Variants in FSTL5 observed in about 807,000 individuals in gnomAD.
FSTL5 encodes follistatin-related protein 5.
FSTL5 carries 62 observed loss-of-function variants against 89.1 expected under a neutral mutation model. That is an observed-to-expected ratio of 0.70 (90% CI 0.57 to 0.86). FSTL5 has a LOEUF of 0.86. Among genes scored for constraint, FSTL5 ranks in the 40% least tolerant of loss-of-function variants. The probability of loss-of-function intolerance (pLI) is 0.00; values close to 1 mark genes in which losing one functional copy is unlikely to be tolerated. For missense variants in FSTL5, 1,057 were observed against 1,001.6 expected (o/e 1.06, Z -0.75); for synonymous variants, 383 against 346.2 (o/e 1.11, Z -1.18).
chr4:161,852,431 GA>G (rs1731583248), intron 4 of FSTL5, among the ~76,000 whole-genome samples: 1 of 152,118 alleles, frequency 6.6e-6, no homozygotes, highest in Non-Finnish European at 1.5e-5. Context: ...ACACCAGTCA[GA>G]ATGGCAATTA....
intron 3 of FSTL5, among the ~76,000 whole-genome samples, chr4:161,972,034 T>C (rs911896054): frequency 2.0e-5 from 3 of 152,166 alleles, no homozygotes; most frequent in African/African-American, 7.2e-5. Context: ...CACTCACTTG[T>C]ATAATTCCTT....
intron 2 of FSTL5, among the ~76,000 whole-genome samples, chr4:162,050,315 C>T (rs1738338258): frequency 6.6e-6 from 1 of 151,060 alleles, no homozygotes; most frequent in South Asian, 2.1e-4. Flanking sequence ...ATATTGACAT[C>T]AGATTCTCAA....
Position 161,743,501 on chromosome 4 carries a change from T to C in FSTL5, c.727+15910A>G, listed in dbSNP as rs571670615. 2.1e-4 allele frequency among the ~76,000 whole-genome samples: 32 copies of C among 152,276 alleles called. No homozygotes were observed. In the South Asian group the frequency reaches 6.6e-3, roughly 32 times the overall value. On this transcript the variant is annotated intron_variant, in intron 6 of 15. Transcript: ENST00000306100. ...AATGACATCCCCTCCATCTTTGCTT[T>C]TCTTTTGTCAAGATTGTTTTGGCTA... is the stretch of plus-strand genomic sequence containing the variant.
intron 3 of FSTL5, among the ~76,000 whole-genome samples, chr4:162,007,257 G>T (rs572595527): frequency 4.1e-4 from 62 of 151,962 alleles, no homozygotes; most frequent in African/African-American, 1.4e-3. Flanking sequence ...TATTTTTAAA[G>T]AATGACCTAA....
At chr4:161,697,688 G>A (rs559951431) in intron 6 of FSTL5, among the ~76,000 whole-genome samples, 1 of 152,206 alleles carries the variant, frequency 6.6e-6, no homozygotes, top group South Asian at 2.1e-4. Context: ...ATGAAATCCT[G>A]TCATTCGCTG....
At chr4:162,029,184 T>C (rs963463037) in intron 3 of FSTL5, among the ~76,000 whole-genome samples, 38 of 146,274 alleles carry the variant, frequency 2.6e-4, no homozygotes, top group African/African-American at 7.3e-4. Context: ...TGTGTGTGTG[T>C]GTGCGTGTGT....
intron 6 of FSTL5, among the ~76,000 whole-genome samples, chr4:161,692,691 G>A (rs1327002783): frequency 6.6e-6 from 1 of 151,982 alleles, no homozygotes; most frequent in Non-Finnish European, 1.5e-5. Flanking sequence ...GGACCTCAGG[G>A]AAAATCAACA....
intron 5 of FSTL5, among the ~76,000 whole-genome samples, chr4:161,760,572 A>G (rs1461310097): frequency 6.6e-6 from 1 of 152,216 alleles, no homozygotes; most frequent in Non-Finnish European, 1.5e-5. Flanking sequence ...TTACACACAC[A>G]CACATGCACA....
intron 3 of FSTL5, among the ~76,000 whole-genome samples, chr4:161,939,647 A>G (rs1303688947): frequency 6.6e-6 from 1 of 151,956 alleles, no homozygotes; most frequent in African/African-American, 2.4e-5. Flanking sequence ...CAAAAGGGAA[A>G]AGTACAGCAA....
At chr4:161,741,630 T>C (rs1740029790) in intron 6 of FSTL5, among the ~76,000 whole-genome samples, 1 of 150,896 alleles carries the variant, frequency 6.6e-6, no homozygotes, top group Non-Finnish European at 1.5e-5. Context: ...TGAAGCAAAA[T>C]ACACAGGAAA....
chr4:161,439,113 CA>C (rs1732674754), intron 15 of FSTL5, among the ~76,000 whole-genome samples: 1 of 151,984 alleles, frequency 6.6e-6, no homozygotes, highest in Non-Finnish European at 1.5e-5. Flanking sequence ...AACACATAAT[CA>C]ATATAATTTT....
At chr4:161,492,936 T>C (rs1320687129) in intron 12 of FSTL5, among the ~76,000 whole-genome samples, 1 of 151,988 alleles carries the variant, frequency 6.6e-6, no homozygotes, top group Non-Finnish European at 1.5e-5. Context: ...AAAATAAAAT[T>C]GAAACACTAT....
intron 4 of FSTL5, among the ~76,000 whole-genome samples, chr4:161,813,184 A>G (rs1367865358): frequency 2.0e-5 from 3 of 151,970 alleles, no homozygotes; most frequent in Non-Finnish European, 4.4e-5. Flanking sequence ...GTGCTACCAC[A>G]CGCGGCAATT....
At chr4:161,430,601 G>A (rs573020555) in intron 15 of FSTL5, among the ~76,000 whole-genome samples, 10 of 152,138 alleles carry the variant, frequency 6.6e-5, no homozygotes, top group African/African-American at 2.2e-4. Context: ...TTAGCCGGGC[G>A]TGGTAGTGGG....
rs181694332 is a variant in FSTL5, at chr4:161,584,044, C to T, written c.1015+3411G>A. Among the ~76,000 whole-genome samples the T allele has an allele frequency of 5.3e-5, 8 of 152,146 alleles. No homozygotes were observed. The South Asian group carries it at 1.7e-3, about 32-fold the overall frequency. ...TAGCTAAATCAGAATCTTTTTTTCT[C>T]TCATGGCCACTTTACAGTCAACCAC... On this transcript the variant is annotated intron_variant, in intron 8 of 15. Coordinates refer to ENST00000306100, the MANE Select transcript of FSTL5 (RefSeq NM_020116.5).
chr4:161,517,762 A>G (rs1432697796), intron 10 of FSTL5, among the ~76,000 whole-genome samples: 2 of 149,142 alleles, frequency 1.3e-5, no homozygotes, highest in African/African-American at 4.9e-5. Context: ...TCCTTTTCTG[A>G]AAGTTTCAGG....
At chr4:161,392,719 A>G (rs1730862522) in intron 15 of FSTL5, among the ~76,000 whole-genome samples, 1 of 152,132 alleles carries the variant, frequency 6.6e-6, no homozygotes, top group Admixed American at 6.5e-5. Flanking sequence ...TAGCTTCCCT[A>G]AAGTCACTCA....
intron 15 of FSTL5, among the ~76,000 whole-genome samples, chr4:161,446,890 G>T (rs908929864): frequency 2.6e-5 from 4 of 151,916 alleles, no homozygotes; most frequent in African/African-American, 9.7e-5. Flanking sequence ...TAATTGACTT[G>T]TTTAGGGTAA....
Position 161,863,170 on chromosome 4 carries a change from C to T in FSTL5, c.409+57234G>A, listed in dbSNP as rs1269018945. Among the ~76,000 whole-genome samples, 9 of 152,198 alleles carry T rather than the reference C, an allele frequency of 5.9e-5. No individual in the cohort carries two copies. In the East Asian group the frequency reaches 1.4e-3, roughly 23 times the overall value. Reference sequence around the variant, plus strand: ...TTTGTTAACAGGTATGAAGCAAGAACAATACAAGTGTAGTGTTAGGAAATT... The same window carrying T: ...TTTGTTAACAGGTATGAAGCAAGAATAATACAAGTGTAGTGTTAGGAAATT... On this transcript the variant is annotated intron_variant, in intron 4 of 15. Coordinates refer to ENST00000306100, the MANE Select transcript of FSTL5 (RefSeq NM_020116.5).
Sources: gnomAD v4.1 joint callset for allele counts (sites outside exome capture counted in the v4.1 genomes callset) on GRCh38, gnomAD v4.1.1 for gene constraint, MANE v1.5 for transcripts, NCBI Gene and HGNC (gene_info 2026-07-23, HGNC 2026-07-21) for gene names.